RABGAP1L: variants seen among roughly 807,000 people sequenced by gnomAD.
The protein encoded by RABGAP1L is rab GTPase-activating protein 1-like.
RABGAP1L carries 63 observed loss-of-function variants against 137.7 expected under a neutral mutation model. That is an observed-to-expected ratio of 0.46 (90% confidence interval 0.37 to 0.56). The LOEUF is 0.56. Among genes scored for constraint, RABGAP1L ranks in the 20% least tolerant of loss-of-function variants. The probability of loss-of-function intolerance (pLI) is 0.00; values close to 1 mark genes in which losing one functional copy is unlikely to be tolerated. For synonymous variants in RABGAP1L, 431 were observed against 433.7 expected (o/e 0.99, Z 0.08); for missense variants, 1,095 against 1,244.0 (o/e 0.88, Z 1.80).
chr1:174,224,887 C>G (rs1190811416), intron 3 of RABGAP1L, among the ~76,000 whole-genome samples: 1 of 151,542 alleles, frequency 6.6e-6, no homozygotes, highest in Non-Finnish European at 1.5e-5. Context: ...ACTTTTATTT[C>G]ATTGTTTTCA....
intron 12 of RABGAP1L, among the ~76,000 whole-genome samples, chr1:174,378,390 A>T (rs1233210305): frequency 6.7e-6 from 1 of 149,874 alleles, no homozygotes; most frequent in Admixed American, 6.6e-5. Flanking sequence ...GAACTAGTTT[A>T]CAGTCCCACC....
At chr1:174,816,599 G>A (rs573491069) in intron 19 of RABGAP1L, among the ~76,000 whole-genome samples, 21 of 152,204 alleles carry the variant, frequency 1.4e-4, no homozygotes, top group African/African-American at 4.8e-4. Flanking sequence ...GAAACTGTCA[G>A]GTATTTGATT....
Position 174,252,571 on chromosome 1 carries a change from A to G in RABGAP1L, c.967A>G (p.Lys323Glu), listed in dbSNP as rs746942412. 23 of 1,608,824 alleles carry G rather than the reference A, an allele frequency of 1.4e-5. No homozygotes were observed. Among genetic ancestry groups the G allele is most frequent in the South Asian group, 1.3e-4 (12 of 89,574 alleles). Residue 323 changes from lysine (K) to glutamate (E), a missense_variant, in exon 7 of 26, where the codon AAA (lysine) becomes GAA (glutamate). Physicochemically the swap from Lys to Glu is moderately conservative, Grantham distance 56. Around this residue, in one of 4 missense-constraint regions of RABGAP1L, gnomAD observed 112 missense variants for 157.3 expected, o/e 0.71. Transcript: ENST00000681986. Reference sequence around the variant, plus strand: ...GATTACAGTGCAGCAACTTTCTAACAAAGAATTAGCTATTGAAAGGTAAGC... The same window carrying G: ...GATTACAGTGCAGCAACTTTCTAACGAAGAATTAGCTATTGAAAGGTAAGC... ...VVITVQQLSN[K>E]ELAIERCFGM...
chr1:174,973,709 T>C (rs1484669498), intron 21 of RABGAP1L, among the ~76,000 whole-genome samples: 1 of 151,904 alleles, frequency 6.6e-6, no homozygotes, highest in African/African-American at 2.4e-5. Context: ...AACATTTTCA[T>C]AAAATGTTAA....
At chr1:174,988,431 T>C (rs1025699667) in intron 24 of RABGAP1L, among the ~76,000 whole-genome samples, 4 of 152,216 alleles carry the variant, frequency 2.6e-5, no homozygotes, top group African/African-American at 7.2e-5. Flanking sequence ...AGGGTATTTC[T>C]AGAGATACTT....
At chr1:174,547,462 A>T (rs191376392) in intron 13 of RABGAP1L, among the ~76,000 whole-genome samples, 1 of 152,122 alleles carries the variant, frequency 6.6e-6, no homozygotes, top group Non-Finnish European at 1.5e-5. Flanking sequence ...GCAAAAAAAT[A>T]AAAAATTAGC....
chr1:174,192,345 G>GGA (rs945292231), intron 1 of RABGAP1L, among the ~76,000 whole-genome samples: 2 of 131,764 alleles, frequency 1.5e-5, no homozygotes, highest in Non-Finnish European at 3.2e-5. Flanking sequence ...TTTTGGAGAT[G>GGA]GAGTCTGTCA....
intron 11 of RABGAP1L, among the ~76,000 whole-genome samples, chr1:174,354,142 C>CT (rs1683420795): frequency 6.6e-6 from 1 of 152,098 alleles, no homozygotes; most frequent in Admixed American, 6.5e-5. Context: ...GCTCTAACAT[C>CT]TAACATCTAA....
intron 13 of RABGAP1L, among the ~76,000 whole-genome samples, chr1:174,486,568 G>C (rs1430521614): frequency 1.3e-5 from 2 of 151,738 alleles, no homozygotes; most frequent in Non-Finnish European, 2.9e-5. Flanking sequence ...GGATGGTCTC[G>C]ATCCCCTGAC....
Position 174,833,465 on chromosome 1 carries a change from TA to T in RABGAP1L, c.2340+21506del, listed in dbSNP as rs375555953. Among the ~76,000 whole-genome samples the T allele has an allele frequency of 6.0e-4, 20 of 33,188 alleles. 6 individuals carry two copies. The highest frequency in any genetic ancestry group is 0.016 in the East Asian group (1 of 64). 21.8% of individuals were successfully genotyped at this position (33,188 alleles called of 152,430 possible). Reference sequence around the variant, plus strand: ...GTGTGTAGAGATATATATATATATATATAGTAGAGACAGGGTTCTGTCATGT... The same window carrying T: ...GTGTGTAGAGATATATATATATATATTAGTAGAGACAGGGTTCTGTCATGT... On this transcript the variant is annotated intron_variant, in intron 19 of 25. Coordinates refer to ENST00000681986, the MANE Select transcript of RABGAP1L (RefSeq NM_001366446.1).
intron 14 of RABGAP1L, among the ~76,000 whole-genome samples, chr1:174,669,181 C>T (rs1017609233): frequency 2.0e-5 from 3 of 151,974 alleles, no homozygotes; most frequent in African/African-American, 4.8e-5. Context: ...CTTCACAGGG[C>T]GGCAAGAAGG....
intron 5 of RABGAP1L, among the ~76,000 whole-genome samples, chr1:174,247,836 GTGT>G (rs1036833132): frequency 1.6e-4 from 24 of 152,184 alleles, no homozygotes; most frequent in African/African-American, 5.5e-4. Context: ...ATGGCAGGTG[GTGT>G]TCTGTCTCTT....
chr1:174,752,577 A>G (rs1246661626), intron 18 of RABGAP1L, among the ~76,000 whole-genome samples: 1 of 151,918 alleles, frequency 6.6e-6, no homozygotes, highest in African/African-American at 2.4e-5. Context: ...TAATGGTACT[A>G]TCATAGAGCT....
intron 13 of RABGAP1L, among the ~76,000 whole-genome samples, chr1:174,525,906 A>G (rs1453845504): frequency 1.3e-5 from 2 of 152,110 alleles, no homozygotes; most frequent in African/African-American, 4.8e-5. Flanking sequence ...GTTTTTGTCT[A>G]TCATTCTGTT....
At chr1:174,328,024 TACCCA>T (rs1680704421) in intron 11 of RABGAP1L, among the ~76,000 whole-genome samples, 1 of 119,504 alleles carries the variant, frequency 8.4e-6, no homozygotes, top group Admixed American at 8.8e-5. Context: ...TATATATATA[TACCCA>T]ACATCAGAGC....
At chr1:174,987,733 T>C (rs1034749046) in intron 24 of RABGAP1L, among the ~76,000 whole-genome samples, 5 of 152,202 alleles carry the variant, frequency 3.3e-5, no homozygotes, top group Non-Finnish European at 5.9e-5. Context: ...ACAACAGTAC[T>C]ATTGTCTGGA....
intron 14 of RABGAP1L, among the ~76,000 whole-genome samples, chr1:174,670,028 T>A (rs1445395513): frequency 6.6e-6 from 1 of 152,266 alleles, no homozygotes; most frequent in Admixed American, 6.5e-5. Flanking sequence ...ATGTCATTGG[T>A]ATTTTTATGG....
chr1:174,286,224 A>G (rs1676037329), intron 10 of RABGAP1L, among the ~76,000 whole-genome samples: 1 of 151,914 alleles, frequency 6.6e-6, no homozygotes. Context: ...GAGACTTTTT[A>G]TTGCTGATTC....
chr1:174,541,907 G>A (rs1411220400), intron 13 of RABGAP1L, among the ~76,000 whole-genome samples: 2 of 152,142 alleles, frequency 1.3e-5, no homozygotes, highest in African/African-American at 2.4e-5. Context: ...ATTGATTTGC[G>A]TATGTTGAAC....
Sources: gnomAD v4.1 joint callset for allele counts (sites outside exome capture counted in the v4.1 genomes callset) on GRCh38, gnomAD v4.1.1 for gene constraint, gnomAD v4.1.1 regional missense constraint, MANE v1.5 for transcripts, NCBI Gene and HGNC (gene_info 2026-07-23, HGNC 2026-07-21) for gene names.